Variants in DCPS observed in about 807,000 individuals in gnomAD.
DCPS encodes m7GpppX diphosphatase.
DCPS carries 27 observed loss-of-function variants against 34.7 expected under a neutral mutation model. That is an observed-to-expected ratio of 0.78 (90% confidence interval 0.57 to 1.07). The LOEUF (loss-of-function observed/expected upper bound fraction) is 1.07, where lower values mean the gene tolerates loss of function less well. Ranked by LOEUF, DCPS falls within the 50% of genes least tolerant of loss-of-function variation. The pLI is 0.00. For synonymous variants in DCPS, 185 were observed against 185.7 expected (o/e 1.00, Z 0.03); for missense variants, 464 against 436.9 (o/e 1.06, Z -0.55).
In DCPS at chr11:126,338,594, T is replaced by C. The variant is rs1218777228; in HGVS notation, c.636+195T>C. Reference sequence around the variant, plus strand: ...AGTGCTTTTGCTTTAATGGGTCAGCTTAAAGCCCTTTCTGGCTGTCCTCCC... The same window carrying C: ...AGTGCTTTTGCTTTAATGGGTCAGCCTAAAGCCCTTTCTGGCTGTCCTCCC... On this transcript the variant is annotated intron_variant, in intron 4 of 5. Coordinates refer to ENST00000263579, the MANE Select transcript of DCPS (RefSeq NM_014026.6). This position sits in a 1 kb window ranked among gnomAD's most constrained non-coding sequence, Gnocchi z 5.4. 2.0e-5 allele frequency among the ~76,000 whole-genome samples: 3 copies of C among 152,212 alleles called. No homozygotes were observed. Among genetic ancestry groups the C allele is most frequent in the Non-Finnish European group, 4.4e-5 (3 of 68,024 alleles).
At chr11:126,326,626 T>C (rs1212951710) in intron 2 of DCPS, among the ~76,000 whole-genome samples, 1 of 152,040 alleles carries the variant, frequency 6.6e-6, no homozygotes, top group African/African-American at 2.4e-5. Context: ...AGAACTCCCT[T>C]ATAAAAGGAC....
rs1951766487 is a variant in DCPS, at chr11:126,329,642, T to G, written c.377-1763T>G. Reference sequence around the variant, plus strand: ...GTAGCCTGTGGTGTTGCAGGAGCACTGGCTTTAGGGTGAGATGGCCTCAGT... The same window carrying G: ...GTAGCCTGTGGTGTTGCAGGAGCACGGGCTTTAGGGTGAGATGGCCTCAGT... On this transcript the variant is annotated intron_variant, in intron 2 of 5. Transcript: ENST00000263579. The surrounding 1 kb of genome is among the most constrained non-coding windows in gnomAD (Gnocchi z 5.0). 6.6e-6 allele frequency among the ~76,000 whole-genome samples: 1 copy of G among 152,194 alleles called. No homozygotes were observed. The highest frequency in any genetic ancestry group is 2.4e-5 in the African/African-American group (1 of 41,448).
intron 2 of DCPS, among the ~76,000 whole-genome samples, chr11:126,326,381 G>A (rs1359485729): frequency 6.6e-6 from 1 of 152,210 alleles, no homozygotes; most frequent in East Asian, 1.9e-4. Context: ...ACCACACGGG[G>A]CTGTGGGTCC....
In DCPS at chr11:126,341,683, G is replaced by A. The variant is rs537193567; in HGVS notation, c.637-1624G>A. On this transcript the variant is annotated intron_variant, in intron 4 of 5. Transcript: ENST00000263579. ...TACACCTTCACCACCACGTGCACAC[G>A]TGCGCACGCACACAAATTCAAGTTC... The A allele has an allele frequency of 5.9e-5, 9 of 152,394 alleles. No individual in the cohort carries two copies. The East Asian group carries it at 1.7e-3, about 29-fold the overall frequency. The allele number at this position is 152,394 out of a possible 1,614,324, so 9.4% of individuals were successfully genotyped here. A position where few individuals can be genotyped will look rare whatever the true frequency, so the allele number is the denominator to read the frequency against.
intron 4 of DCPS, among the ~76,000 whole-genome samples, chr11:126,340,007 G>A (rs984684972): frequency 6.6e-6 from 1 of 152,178 alleles, no homozygotes; most frequent in Admixed American, 6.5e-5. Context: ...CCAGGGGATC[G>A]CAGTCTTAAG....
At position 126,335,047 on chromosome 11, in the gene DCPS, A is replaced by G. The variant is rs116729382; in HGVS notation, c.523-3239A>G. 3.0e-4 allele frequency among the ~76,000 whole-genome samples: 46 copies of G among 152,340 alleles called. 1 individual carries two copies. Among genetic ancestry groups the G allele is most frequent in the African/African-American group, 1.1e-3 (46 of 41,576 alleles). On this transcript the variant is annotated intron_variant, in intron 3 of 5. Coordinates refer to ENST00000263579, the MANE Select transcript of DCPS (RefSeq NM_014026.6). This position sits in a 1 kb window ranked among gnomAD's most constrained non-coding sequence, Gnocchi z 4.8. ...TGCCTGCTATTGTTTCCAGCACAGA[A>G]TGATGCCAGGATGGCAGCCACCATC... is the stretch of plus-strand genomic sequence containing the variant.
At chr11:126,308,603 G>A (rs745742413) in intron 2 of DCPS, among the ~76,000 whole-genome samples, 3 of 152,186 alleles carry the variant, frequency 2.0e-5, no homozygotes, top group Admixed American at 2.0e-4. Context: ...AGCACAGGGC[G>A]GCAGAAGAAT....
chr11:126,345,371 A>G lies in DCPS; in HGVS notation c.772A>G (p.Met258Val), dbSNP rs768819458. The change falls in exon 6 of 6, where the codon ATG becomes GTG. Residue 258 changes from methionine to valine, a missense_variant. Met to Val is a conservative substitution (Grantham distance 21). Coordinates refer to ENST00000263579, the MANE Select transcript of DCPS (RefSeq NM_014026.6). The surrounding 1 kb of genome is among the most constrained non-coding windows in gnomAD (Gnocchi z 7.4). ...GGAGGCCATCCTGCAGCGCTACCGG[A>G]TGAAGGGAGACCATCTGCGAGTATA... ...GQEAILQRYR[M>V]KGDHLRVYLH... The G allele has an allele frequency of 6.2e-7, 1 of 1,614,044 alleles. No individual in the cohort carries two copies. Among genetic ancestry groups the G allele is most frequent in the Non-Finnish European group, 8.5e-7 (1 of 1,180,010 alleles).
At position 126,349,235 on chromosome 11, in the gene DCPS, T is replaced by C. The variant is rs1951966619; in HGVS notation, c.*3622T>C. Among the ~76,000 whole-genome samples, 1 of 152,216 alleles carries C rather than the reference T, an allele frequency of 6.6e-6. No homozygotes were observed. The highest frequency in any genetic ancestry group is 1.5e-5 in the Non-Finnish European group (1 of 68,028). ...CAGCCCCTCTGGCAGCATGACACCT[T>C]GGTCCTGTGTGCTGCAGAGTGCCTC... On this transcript the variant is annotated 3_prime_UTR_variant, in exon 6 of 6. Transcript: ENST00000263579. This position sits in a 1 kb window ranked among gnomAD's most constrained non-coding sequence, Gnocchi z 5.4.
intron 2 of DCPS, among the ~76,000 whole-genome samples, chr11:126,321,626 G>A (rs1490045192): frequency 1.1e-4 from 17 of 152,036 alleles, no homozygotes; most frequent in Non-Finnish European, 1.5e-5. Flanking sequence ...AGGAGGGAGT[G>A]GACAGGCAAG....
rs570157589 is a variant in DCPS at position 126,327,155 on chromosome 11, C to T, written c.377-4250C>T. On this transcript the variant is annotated intron_variant, in intron 2 of 5. Coordinates refer to ENST00000263579, the MANE Select transcript of DCPS (RefSeq NM_014026.6). The surrounding 1 kb of genome is among the most constrained non-coding windows in gnomAD (Gnocchi z 4.1). The stretch of plus-strand genomic sequence containing the variant: ...GGCGCCCCTCCCCGGATCCCAACCC[C>T]GGATCTAATCCAATCCCTTTAGTCC... Among the ~76,000 whole-genome samples the T allele has an allele frequency of 1.3e-5, 2 of 152,350 alleles. No homozygotes were observed. The highest frequency in any genetic ancestry group is 3.9e-4 in the East Asian group (2 of 5,184).
chr11:126,316,084 T>C (rs544535025), intron 2 of DCPS, among the ~76,000 whole-genome samples: 2 of 152,248 alleles, frequency 1.3e-5, no homozygotes, highest in Admixed American at 1.3e-4. Context: ...CAAATCATGC[T>C]GCTTTTTAGT....
intron 2 of DCPS, among the ~76,000 whole-genome samples, chr11:126,318,764 C>T (rs1323634145): frequency 6.6e-6 from 1 of 152,182 alleles, no homozygotes; most frequent in East Asian, 1.9e-4. Flanking sequence ...ACAGACTGAG[C>T]CATAGAGATG....
Position 126,331,505 on chromosome 11 carries a change from G to T in DCPS, c.477G>T (p.Arg159Ser), listed in dbSNP as rs756990032. ...TCCGAGAGACGGGAGATGACTACAGGAATATTACTTTACCCCACCTGGAGT... is the reference window on the plus strand; with the variant it reads ...TCCGAGAGACGGGAGATGACTACAGTAATATTACTTTACCCCACCTGGAGT... Reference protein sequence around the residue: ...RLIRETGDDYRNITLPHLESQ... With the variant: ...RLIRETGDDYSNITLPHLESQ... The change falls in exon 3 of 6, where the codon AGG becomes AGT. Residue 159 changes from arginine to serine, a missense_variant. Transcript: ENST00000263579. This position sits in a 1 kb window ranked among gnomAD's most constrained non-coding sequence, Gnocchi z 7.2. 6 of 1,614,022 alleles carry T rather than the reference G, an allele frequency of 3.7e-6. No homozygotes were observed. The highest frequency in any genetic ancestry group is 1.1e-5 in the South Asian group (1 of 91,080).
chr11:126,345,465 G>T lies in DCPS; in HGVS notation c.866G>T (p.Gly289Val), dbSNP rs1266397398. Reference protein sequence around the residue: ...HFTALGFEAPGSGVERAHLLA... With the variant: ...HFTALGFEAPVSGVERAHLLA... Reference sequence around the variant, plus strand: ...ACCGCCCTGGGCTTCGAGGCCCCCGGCTCAGGCGTGGAGCGGGCCCACCTG... The same window carrying T: ...ACCGCCCTGGGCTTCGAGGCCCCCGTCTCAGGCGTGGAGCGGGCCCACCTG... Residue 289 changes from glycine (G) to valine (V), a missense_variant, in exon 6 of 6, where the codon GGC becomes GTC. By Grantham distance (109) the Gly-to-Val change is moderately radical. Transcript: ENST00000263579. This position sits in a 1 kb window ranked among gnomAD's most constrained non-coding sequence, Gnocchi z 7.4. 2 of 1,614,142 alleles carry T rather than the reference G, an allele frequency of 1.2e-6. No individual in the cohort carries two copies. Among genetic ancestry groups the T allele is most frequent in the Non-Finnish European group, 1.7e-6 (2 of 1,180,026 alleles).
At position 126,315,816 on chromosome 11, in the gene DCPS, C is replaced by T. The variant is rs145772932; in HGVS notation, c.376+9072C>T. Among the ~76,000 whole-genome samples the T allele has an allele frequency of 1.5e-3, 222 of 152,134 alleles. 2 individuals carry two copies. The highest frequency in any genetic ancestry group is 5.2e-3 in the African/African-American group (215 of 41,448). On this transcript the variant is annotated intron_variant, in intron 2 of 5. Coordinates refer to ENST00000263579, the MANE Select transcript of DCPS (RefSeq NM_014026.6). This position sits in a 1 kb window ranked among gnomAD's most constrained non-coding sequence, Gnocchi z 6.1. ...GCAACCTCCACCTCCCGGGTTGAAG[C>T]GATTCTCCTGCCTCAGCCTCCCGAG...
In DCPS at chr11:126,335,193, G is replaced by GA. The variant is rs1951823363; in HGVS notation, c.523-3092dup. On this transcript the variant is annotated intron_variant, in intron 3 of 5. Transcript: ENST00000263579. This position sits in a 1 kb window ranked among gnomAD's most constrained non-coding sequence, Gnocchi z 4.8. ...AAGTGCAAGGCAGCAGGCAGAAGCA[G>GA]AGAGCAGGAGGTGATGAGGAAGGAG... is the stretch of plus-strand genomic sequence containing the variant. Among the ~76,000 whole-genome samples, 1 of 152,250 alleles carries GA rather than the reference G, an allele frequency of 6.6e-6. No individual in the cohort carries two copies. Among genetic ancestry groups the GA allele is most frequent in the Non-Finnish European group, 1.5e-5 (1 of 68,044 alleles).
At chr11:126,310,320 G>T (rs1464663484) in intron 2 of DCPS, among the ~76,000 whole-genome samples, 3 of 152,238 alleles carry the variant, frequency 2.0e-5, no homozygotes, top group Non-Finnish European at 4.4e-5. Flanking sequence ...AGGTCTCATA[G>T]GTGCAATTCA....
chr11:126,315,519 C>T lies in DCPS; in HGVS notation c.376+8775C>T, dbSNP rs534653578. 4.6e-5 allele frequency among the ~76,000 whole-genome samples: 7 copies of T among 151,766 alleles called. No individual in the cohort carries two copies. The highest frequency in any genetic ancestry group is 8.8e-5 in the Non-Finnish European group (6 of 67,976). Reference sequence around the variant, plus strand: ...AGGCTGCAGTGAACTATGATTATGCCGCTGCACTCCAACCTGGGTGGCAGA... The same window carrying T: ...AGGCTGCAGTGAACTATGATTATGCTGCTGCACTCCAACCTGGGTGGCAGA... On this transcript the variant is annotated intron_variant, in intron 2 of 5. Coordinates refer to ENST00000263579, the MANE Select transcript of DCPS (RefSeq NM_014026.6). The surrounding 1 kb of genome is among the most constrained non-coding windows in gnomAD (Gnocchi z 6.1).
Sources: allele counts gnomAD v4.1 joint callset (sites outside exome capture counted in the v4.1 genomes callset), GRCh38; gene constraint gnomAD v4.1.1; non-coding constraint Gnocchi (gnomAD v3.1); transcripts MANE v1.5; gene names NCBI Gene and HGNC (gene_info 2026-07-23, HGNC 2026-07-21).